Variants in CCDC192 observed in about 807,000 individuals in gnomAD.
CCDC192 encodes coiled-coil domain containing 192, also known as coiled-coil domain-containing protein 192.
At chr5:127,877,591 G>A (rs372900747) in intron 6 of CCDC192, among the ~76,000 whole-genome samples, 1 of 152,116 alleles carries the variant, frequency 6.6e-6, no homozygotes, top group East Asian at 1.9e-4. Context: ...CAGGCCCCTT[G>A]CAGCCTCACC....
chr5:127,786,084 C>T, intron 3 of CCDC192: 2 of 770,920 alleles, frequency 2.6e-6, no homozygotes, highest in South Asian at 1.5e-5. Context: ...CAAGATTATA[C>T]ATGTGTCCCA....
intron 3 of CCDC192, among the ~76,000 whole-genome samples, chr5:127,794,056 A>G (rs1757027075): frequency 6.6e-6 from 1 of 152,174 alleles, no homozygotes; most frequent in African/African-American, 2.4e-5. Flanking sequence ...TAGCTGTAGT[A>G]GCATTCGCGT....
intron 3 of CCDC192, among the ~76,000 whole-genome samples, chr5:127,755,392 C>T (rs1280163059): frequency 6.6e-6 from 1 of 151,960 alleles, no homozygotes; most frequent in African/African-American, 2.4e-5. Flanking sequence ...CACAAATGCC[C>T]TTCATTTCTT....
At chr5:127,817,760 C>T (rs1318664612) in intron 5 of CCDC192, among the ~76,000 whole-genome samples, 1 of 151,884 alleles carries the variant, frequency 6.6e-6, no homozygotes, top group African/African-American at 2.4e-5. Flanking sequence ...AGGATGACTG[C>T]TATATCTCAA....
upstream of CCDC192, chr5:127,703,319 C>T (rs770799074): frequency 1.0e-5 from 4 of 396,790 alleles, no homozygotes; most frequent in Non-Finnish European, 1.8e-5. Context: ...ACTGTCTTTT[C>T]CACATCCATT....
chr5:127,871,170 G>C (rs549362183), intron 5 of CCDC192, among the ~76,000 whole-genome samples: 1 of 152,162 alleles, frequency 6.6e-6, no homozygotes, highest in Non-Finnish European at 1.5e-5. Flanking sequence ...CCTAGGCACC[G>C]GGCCAGCTCT....
chr5:127,799,880 A>G (rs1757385014), intron 5 of CCDC192, among the ~76,000 whole-genome samples: 1 of 152,312 alleles, frequency 6.6e-6, no homozygotes, highest in South Asian at 2.1e-4. Context: ...TTTTGCTTCA[A>G]TGTGTCAAGA....
At chr5:127,836,253 C>T (rs1243227023) in intron 5 of CCDC192, among the ~76,000 whole-genome samples, 1 of 152,250 alleles carries the variant, frequency 6.6e-6, no homozygotes, top group Admixed American at 6.5e-5. Flanking sequence ...ATCCACGCCA[C>T]ACTGATACAA....
intron 5 of CCDC192, among the ~76,000 whole-genome samples, chr5:127,830,465 AG>A (rs1208441722): frequency 6.6e-6 from 1 of 152,206 alleles, no homozygotes; most frequent in Non-Finnish European, 1.5e-5. Flanking sequence ...CTTGGCTTGC[AG>A]GCTTCTTGCT....
At chr5:127,756,633 T>C (rs563196819) in intron 3 of CCDC192, among the ~76,000 whole-genome samples, 133 of 152,362 alleles carry the variant, frequency 8.7e-4, no homozygotes, top group African/African-American at 3.1e-3. Context: ...TTGGGGAGGT[T>C]CAGCCACAGG....
intron 5 of CCDC192, among the ~76,000 whole-genome samples, chr5:127,800,879 A>G (rs756428904): frequency 6.6e-6 from 1 of 152,014 alleles, no homozygotes; most frequent in Non-Finnish European, 1.5e-5. Flanking sequence ...ATTCCATTAT[A>G]CTGCCACTTC....
chr5:127,830,116 A>G (rs1749716561), intron 5 of CCDC192, among the ~76,000 whole-genome samples: 1 of 152,166 alleles, frequency 6.6e-6, no homozygotes, highest in Non-Finnish European at 1.5e-5. Flanking sequence ...AGGGGGAAAA[A>G]CAGTGCAAGG....
At chr5:127,915,132 A>G (rs547580535) in intron 6 of CCDC192, among the ~76,000 whole-genome samples, 11 of 152,330 alleles carry the variant, frequency 7.2e-5, no homozygotes, top group Admixed American at 3.9e-4. Flanking sequence ...AGTGAGTCAC[A>G]TGATATTTTT....
At chr5:127,721,934 C>A (rs551527557) in intron 2 of CCDC192, among the ~76,000 whole-genome samples, 45 of 152,226 alleles carry the variant, frequency 3.0e-4, no homozygotes, top group African/African-American at 9.6e-4. Flanking sequence ...GGGAGTAAGC[C>A]CCAATGATCC....
chr5:127,737,284 G>A (rs1435724784), intron 2 of CCDC192, among the ~76,000 whole-genome samples: 1 of 151,944 alleles, frequency 6.6e-6, no homozygotes, highest in East Asian at 1.9e-4. Flanking sequence ...ATTGCACTGT[G>A]GTCTGAGAGA....
chr5:127,729,865 AC>A (rs552806557), intron 2 of CCDC192, among the ~76,000 whole-genome samples: 2 of 152,222 alleles, frequency 1.3e-5, no homozygotes, highest in South Asian at 4.1e-4. Context: ...GGATGCAGCT[AC>A]AGTAGTGTTA....
chr5:127,893,556 C>G (rs1419529163), intron 6 of CCDC192, among the ~76,000 whole-genome samples: 1 of 152,186 alleles, frequency 6.6e-6, no homozygotes, highest in East Asian at 1.9e-4. Context: ...TTATTACACT[C>G]TTCTATAAAC....
At chr5:127,894,286 G>A (rs1371672835) in intron 6 of CCDC192, among the ~76,000 whole-genome samples, 9 of 147,802 alleles carry the variant, frequency 6.1e-5, no homozygotes, top group Non-Finnish European at 8.9e-5. Context: ...TCTGCCTCCC[G>A]GGTTCATGCC....
rs147024910 is a variant in CCDC192, at chr5:127,770,872, C to T, written c.222+16497C>T. ...AGGGTTTAATTGTGCTGAACACCCA[C>T]GGGGCAAGGGTGGACTATAATTGGC... On this transcript the variant is annotated intron_variant, in intron 3 of 6. Transcript: ENST00000514853. Among the ~76,000 whole-genome samples the T allele has an allele frequency of 1.7e-4, 26 of 152,264 alleles. 2 individuals are homozygous for T. In the South Asian group the frequency reaches 4.6e-3, roughly 27 times the overall value.
Sources: gnomAD v4.1 joint callset for allele counts (sites outside exome capture counted in the v4.1 genomes callset) on GRCh38, gnomAD v4.1.1 for gene constraint, MANE v1.5 for transcripts, NCBI Gene and HGNC (gene_info 2026-07-23, HGNC 2026-07-21) for gene names.